GNG2: variants seen among roughly 807,000 people sequenced by gnomAD.
The protein encoded by GNG2 is guanine nucleotide-binding protein G(I)/G(S)/G(O) subunit gamma-2.
A neutral mutation model predicts 5.5 loss-of-function variants in GNG2; 5 were observed. The observed-to-expected ratio is 0.91, with a 90% CI of 0.48 to 1.92. GNG2 has a LOEUF of 1.92. Ranked by LOEUF, GNG2 falls within the 30% of genes most tolerant of loss-of-function variation. GNG2 has a pLI of 0.01. For missense variants in GNG2, 55 were observed against 88.4 expected, an observed-to-expected ratio of 0.62 and a Z score of 1.52; for synonymous variants, 28 against 32.0, an observed-to-expected ratio of 0.88 and a Z score of 0.42.
intron 2 of GNG2, among the ~76,000 whole-genome samples, chr14:51,840,948 C>T (rs1490714932): frequency 1.3e-5 from 2 of 152,098 alleles, no homozygotes; most frequent in African/African-American, 2.4e-5. Flanking sequence ...TTTACCACAG[C>T]GAATCTAGAT....
At chr14:51,957,061 G>C (rs1235416376) in intron 3 of GNG2, among the ~76,000 whole-genome samples, 1 of 151,764 alleles carries the variant, frequency 6.6e-6, no homozygotes, top group Admixed American at 6.6e-5. Flanking sequence ...TCCCGGTCTG[G>C]TTTGGTGAGG....
At chr14:51,876,799 C>G (rs538330521) in intron 1 of GNG2, among the ~76,000 whole-genome samples, 5 of 152,162 alleles carry the variant, frequency 3.3e-5, no homozygotes, top group Admixed American at 6.6e-5. Context: ...GCCCTAGAAC[C>G]CCTTGCGAAT....
intron 2 of GNG2, among the ~76,000 whole-genome samples, chr14:51,845,113 T>G (rs1469309548): frequency 2.6e-5 from 4 of 152,240 alleles, no homozygotes; most frequent in Non-Finnish European, 5.9e-5. Context: ...TGAATTGTTT[T>G]TTTTCTCTTG....
At chr14:51,942,590 T>TTTCTTTCTTTCTTTC (rs1555356835) in intron 2 of GNG2, among the ~76,000 whole-genome samples, 4 of 36,552 alleles carry the variant, frequency 1.1e-4, no homozygotes, top group African/African-American at 5.0e-4. Flanking sequence ...TCTTTCTTTC[T>TTTCTTTCTTTCTTTC]TTTTTTTTTT....
At chr14:51,938,857 G>A (rs1888160562) in intron 2 of GNG2, among the ~76,000 whole-genome samples, 1 of 152,224 alleles carries the variant, frequency 6.6e-6, no homozygotes. Context: ...AACTACAGGG[G>A]TTGCCTGAGG....
At chr14:51,923,588 A>G (rs1235130857) in intron 2 of GNG2, among the ~76,000 whole-genome samples, 1 of 151,960 alleles carries the variant, frequency 6.6e-6, no homozygotes, top group East Asian at 1.9e-4. Flanking sequence ...ACACACACAG[A>G]CATATGTTCT....
intron 2 of GNG2, among the ~76,000 whole-genome samples, chr14:51,930,415 T>C (rs1235309781): frequency 6.6e-6 from 1 of 152,214 alleles, no homozygotes; most frequent in African/African-American, 2.4e-5. Context: ...ATAACTAGCG[T>C]GAAAAAGGAC....
At chr14:51,865,686 T>A (rs1438504642) in intron 1 of GNG2, among the ~76,000 whole-genome samples, 1 of 148,240 alleles carries the variant, frequency 6.7e-6, no homozygotes, top group Non-Finnish European at 1.5e-5. Context: ...CATTTAAAAT[T>A]GTTTGTAAGA....
intron 2 of GNG2, chr14:51,877,935 C>T: frequency 4.0e-6 from 1 of 251,326 alleles, no homozygotes; most frequent in Non-Finnish European, 7.9e-6. Context: ...AGAATGTATC[C>T]TCACGGCACA....
chr14:51,944,349 T>TA (rs1888520169), intron 2 of GNG2, among the ~76,000 whole-genome samples: 1 of 152,192 alleles, frequency 6.6e-6, no homozygotes, highest in Non-Finnish European at 1.5e-5. Flanking sequence ...TGGAAACGGC[T>TA]GTTTTTTTGC....
chr14:51,942,557 T>G (rs1888377485), intron 2 of GNG2, among the ~76,000 whole-genome samples: 1 of 86,800 alleles, frequency 1.2e-5, no homozygotes, highest in African/African-American at 4.0e-5. Context: ...TTATTAGAAT[T>G]TTATTTATTT....
intron 2 of GNG2, among the ~76,000 whole-genome samples, chr14:51,934,269 G>A (rs1887833171): frequency 6.6e-6 from 1 of 152,178 alleles, no homozygotes; most frequent in Non-Finnish European, 1.5e-5. Flanking sequence ...AGGTCACAGT[G>A]AGAGTGATCC....
intron 2 of GNG2, among the ~76,000 whole-genome samples, chr14:51,843,505 G>A (rs1346211749): frequency 2.0e-5 from 3 of 151,958 alleles, no homozygotes; most frequent in Non-Finnish European, 4.4e-5. Context: ...GTTGGTGGGT[G>A]CAGCAAACCA....
chr14:51,906,944 A>G (rs951395989), intron 2 of GNG2, among the ~76,000 whole-genome samples: 1 of 151,846 alleles, frequency 6.6e-6, no homozygotes, highest in South Asian at 2.1e-4. Context: ...TTTAGTAGAG[A>G]CGGGGTTTCA....
chr14:51,914,283 G>C lies in GNG2; in HGVS notation c.-29-36367G>C. On this transcript the variant is annotated intron_variant, in intron 2 of 3. Coordinates refer to ENST00000556766, the MANE Select transcript of GNG2 (RefSeq NM_053064.5). ...GGACAAGCCAGACCAAGGTAGAATG[G>C]AAAAGGACTGCCGTCTCAGGCCATT... 4.3e-6 allele frequency: 3 copies of C among 702,202 alleles called. No individual in the cohort carries two copies. In the Admixed American group the frequency reaches 6.0e-5, roughly 14 times the overall value. 43.5% of individuals were successfully genotyped at this position (702,202 alleles called of 1,614,324 possible).
intron 2 of GNG2, among the ~76,000 whole-genome samples, chr14:51,882,941 C>T (rs1194822341): frequency 6.8e-6 from 1 of 147,190 alleles, no homozygotes; most frequent in African/African-American, 2.5e-5. Context: ...ACCCAGGAGG[C>T]GGAGCTTGCA....
At position 51,941,361 on chromosome 14, in the gene GNG2, A is replaced by G. The variant is rs142725875; in HGVS notation, c.-29-9289A>G. Among the ~76,000 whole-genome samples, 15 of 152,348 alleles carry G rather than the reference A, an allele frequency of 9.8e-5. No individual in the cohort carries two copies. The East Asian group carries it at 1.3e-3, about 14-fold the overall frequency. On this transcript the variant is annotated intron_variant, in intron 2 of 3. Coordinates refer to ENST00000556766, the MANE Select transcript of GNG2 (RefSeq NM_053064.5). ...GGCTGACTGACAAACAAGAATAATA[A>G]AAATATTAAGTGACTGAGAGACTAT...
At chr14:51,954,859 T>C (rs1002318605) in intron 3 of GNG2, among the ~76,000 whole-genome samples, 3 of 152,162 alleles carry the variant, frequency 2.0e-5, no homozygotes, top group Admixed American at 6.5e-5. Context: ...TCAGTCTCCA[T>C]AGCACGTAGT....
intron 1 of GNG2, among the ~76,000 whole-genome samples, chr14:51,866,133 C>G (rs941403124): frequency 2.0e-5 from 3 of 152,238 alleles, no homozygotes; most frequent in Middle Eastern, 6.8e-3. Context: ...ACCACTTCTT[C>G]CCTGTTCCCT....
Sources: allele counts gnomAD v4.1 joint callset (sites outside exome capture counted in the v4.1 genomes callset), GRCh38; gene constraint gnomAD v4.1.1; transcripts MANE v1.5; gene names NCBI Gene and HGNC (gene_info 2026-07-23, HGNC 2026-07-21).